IPO4: variants seen among roughly 807,000 people sequenced by gnomAD.
The protein encoded by IPO4 is importin-4.
Under a neutral mutation model 133.5 loss-of-function variants are expected in IPO4, and 91 were observed. The ratio of observed to expected loss-of-function variants is 0.68; its 90% CI spans 0.58 to 0.81. IPO4 has a LOEUF of 0.81. Ranked by LOEUF, IPO4 falls within the 30% of genes least tolerant of loss-of-function variation. The pLI is 0.00. For synonymous variants in IPO4, 607 were observed against 581.6 expected (o/e 1.04, Z -0.63); for missense variants, 1,279 against 1,386.2 (o/e 0.92, Z 1.23).
chr14:24,188,182 G>A (rs925567986), intron 4 of IPO4, 34 bp downstream of exon 4: 3 of 1,606,024 alleles, frequency 1.9e-6, no homozygotes, highest in Non-Finnish European at 2.6e-6. Flanking sequence ...AGACAAAGTC[G>A]TCAAGATCCC....
chr14:24,185,045 C>A, intron 14 of IPO4, 65 bp from the exon 15 acceptor site: 1 of 1,590,306 alleles, frequency 6.3e-7, no homozygotes, highest in Non-Finnish European at 8.6e-7. Context: ...CACCTCCCTC[C>A]AGGCGGAAAC....
At chr14:24,188,173 G>C (rs771724625) in intron 4 of IPO4, 43 bp downstream of exon 4, 3 of 1,598,472 alleles carry the variant, frequency 1.9e-6, no homozygotes, top group African/African-American at 1.3e-5. Flanking sequence ...CAGAAACCTA[G>C]ACAAAGTCGT....
chr14:24,183,229 C>T, intron 22 of IPO4, 21 bp downstream of exon 22: 1 of 1,612,252 alleles, frequency 6.2e-7, no homozygotes, highest in East Asian at 2.2e-5. Context: ...GAACCCCCAG[C>T]CTGGCCCAGC....
chr14:24,187,676 TGGGCTGTGG>T lies in IPO4; in HGVS notation c.390_398del (p.His131_Pro133del), dbSNP rs2039244884. On this transcript the variant is annotated inframe_deletion, in exon 5 of 30. Coordinates refer to ENST00000354464, the MANE Select transcript of IPO4 (RefSeq NM_024658.4). ...AACCATGTGATGGTACCTCTCTCTC[TGGGCTGTGG>T]GGGCTGTGGGTACTGTGCTGAAGCA... The T allele has an allele frequency of 6.2e-7, 1 of 1,614,174 alleles. No individual in the cohort carries two copies.
chr14:24,180,603 G>A lies in IPO4; in HGVS notation c.3116-31C>T, dbSNP rs760355714. 3.7e-6 allele frequency: 6 copies of A among 1,611,982 alleles called. No individual in the cohort carries two copies. The Admixed American group carries it at 6.7e-5, about 18-fold the overall frequency. ...TGGAGAGGGAGGGAGAAAGGTCGGG[G>A]CTCCTAAAGCCTCGCTGCCCCAGGC... On this transcript the variant is annotated intron_variant, in intron 29 of 29. Coordinates refer to ENST00000354464, the MANE Select transcript of IPO4 (RefSeq NM_024658.4).
At chr14:24,182,224 G>A in intron 25 of IPO4, 54 bp downstream of exon 25, 1 of 1,613,692 alleles carries the variant, frequency 6.2e-7, no homozygotes, top group South Asian at 1.1e-5. Flanking sequence ...AGGCTGTGGT[G>A]GGCACCGGGT....
At position 24,182,392 on chromosome 14, in the gene IPO4, G is replaced by A. The variant is rs754388128; in HGVS notation, c.2484C>T (p.Asp828=). ...EEEDDDQAEY[D]AMLLEHAGEA... is the part of the protein sequence containing the mutation. ...CTCCAGCGTGCTCCAGCAACATGGC[G>A]TCGTATTCAGCCTGTGGAGCCAGGT... Residue 828 remains aspartate, a synonymous_variant, in exon 25 of 30, where the codon GAC becomes GAT. Coordinates refer to ENST00000354464, the MANE Select transcript of IPO4 (RefSeq NM_024658.4). 26 of 1,611,012 alleles carry A rather than the reference G, an allele frequency of 1.6e-5. No individual in the cohort carries two copies. Among genetic ancestry groups the A allele is most frequent in the African/African-American group, 9.4e-5 (7 of 74,782 alleles).
chr14:24,186,186 A>C lies in IPO4; in HGVS notation c.1006-4T>G, dbSNP rs376889207. On this transcript the variant is annotated splice_polypyrimidine_tract_variant and splice_region_variant and intron_variant, in intron 10 of 29. Coordinates refer to ENST00000354464, the MANE Select transcript of IPO4 (RefSeq NM_024658.4). ...GTAGTGCCAGCATGTCCACAACCTG[A>C]GATGGGATGGGGAGACTTACTTTGC... 16 of 1,613,722 alleles carry C rather than the reference A, an allele frequency of 9.9e-6. No homozygotes were observed. The highest frequency in any genetic ancestry group is 6.7e-5 in the East Asian group (3 of 44,882).
Position 24,183,195 on chromosome 14 carries a change from C to T in IPO4, c.2228-26G>A, listed in dbSNP as rs778453206. On this transcript the variant is annotated intron_variant, in intron 22 of 29. Coordinates refer to ENST00000354464, the MANE Select transcript of IPO4 (RefSeq NM_024658.4). ...CTGGGGACATTATTGGCTGAAGCAC[C>T]AGTCAGGCCCTGCCCCTCCCCAAGA... The T allele has an allele frequency of 1.6e-5, 25 of 1,610,070 alleles. No individual in the cohort carries two copies. In the East Asian group the frequency reaches 4.0e-4, roughly 26 times the overall value.
chr14:24,188,157 G>T, intron 4 of IPO4, 59 bp downstream of exon 4: 1 of 1,563,332 alleles, frequency 6.4e-7, no homozygotes, highest in South Asian at 1.1e-5. Context: ...GAGCCGAAAA[G>T]GAAGGCAGAA....
chr14:24,183,085 A>ACG lies in IPO4; in HGVS notation c.2310_2311dup (p.Val771AlafsTer6). 1 of 1,613,730 alleles carries ACG rather than the reference A, an allele frequency of 6.2e-7. No homozygotes were observed. Among genetic ancestry groups the ACG allele is most frequent in the Non-Finnish European group, 8.5e-7 (1 of 1,179,998 alleles). On this transcript the variant is annotated frameshift_variant, in exon 23 of 30. Coordinates refer to ENST00000354464, the MANE Select transcript of IPO4 (RefSeq NM_024658.4). LOFTEE classifies it high-confidence loss of function. ...GAGCACCCCTGTCAGGGCCTCCAGCACGGCCATCACCACCTGGCGTTCCCG... is the reference window on the plus strand; with the variant it reads ...GAGCACCCCTGTCAGGGCCTCCAGCACGCGGCCATCACCACCTGGCGTTCCCG...
rs749026018 is a variant in IPO4 at position 24,183,612 on chromosome 14, C to G, written c.2041G>C (p.Gly681Arg). ...CACCTGGTGTTCACAGAGATCTCCC[C>G]CACGGCAGCACAGGTGTCTTCCTTC... is the stretch of plus-strand genomic sequence containing the variant. ...DEKEDTCAAV[G>R]EISVNTSVAF... Residue 681 changes from glycine (G) to arginine (R), a missense_variant, in exon 20 of 30, where the codon GGG (glycine) becomes CGG (arginine). Physicochemically the swap from Gly to Arg is moderately radical, Grantham distance 125. Coordinates refer to ENST00000354464, the MANE Select transcript of IPO4 (RefSeq NM_024658.4). 5 of 1,614,046 alleles carry G rather than the reference C, an allele frequency of 3.1e-6. No homozygotes were observed. Among genetic ancestry groups the G allele is most frequent in the Non-Finnish European group, 4.2e-6 (5 of 1,180,042 alleles).
Position 24,188,590 on chromosome 14 carries a change from C to A in IPO4, c.118G>T (p.Ala40Ser), listed in dbSNP as rs752296487. 6.2e-7 allele frequency: 1 copy of A among 1,613,196 alleles called. No homozygotes were observed. The highest frequency in any genetic ancestry group is 1.1e-5 in the South Asian group (1 of 91,034). The change falls in exon 2 of 30, where the codon GCT (alanine) becomes TCT (serine). Residue 40 changes from alanine to serine, a missense_variant. Ala to Ser is a moderately conservative substitution (Grantham distance 99). This residue lies in a region of IPO4 where 695 missense variants were observed against 704.1 expected (regional missense o/e 0.99). Coordinates refer to ENST00000354464, the MANE Select transcript of IPO4 (RefSeq NM_024658.4). ...GCCGAGGCTAGCAGGTCGCAGAGAG[C>A]CGGCAAAGCGGCGGGGGCCCGAAGA... is the stretch of plus-strand genomic sequence containing the variant. The part of the protein sequence containing the change: ...IVLRAPAALP[A>S]LCDLLASAAD...
At position 24,186,442 on chromosome 14, in the gene IPO4, T is replaced by C. The variant is rs756636496; in HGVS notation, c.850A>G (p.Lys284Glu). The C allele has an allele frequency of 1.9e-6, 3 of 1,588,592 alleles. No individual in the cohort carries two copies. The highest frequency in any genetic ancestry group is 2.6e-6 in the Non-Finnish European group (3 of 1,165,460). ...AGCAAGGGTGGCAGGAGACGATTCT[T>C]CAGTAAGGCCTTGACAGAGAAGGTG... is the stretch of plus-strand genomic sequence containing the variant. ...LVKVKSKALL[K>E]NRLLPPLLHT... is the part of the protein sequence containing the mutation. The change falls in exon 10 of 30, where the codon AAG becomes GAG. Residue 284 changes from lysine (K) to glutamate (E), a missense_variant. By Grantham distance (56) the Lys-to-Glu change is moderately conservative. This residue lies in a region of IPO4 where 695 missense variants were observed against 704.1 expected (regional missense o/e 0.99). Coordinates refer to ENST00000354464, the MANE Select transcript of IPO4 (RefSeq NM_024658.4).
Position 24,180,440 on chromosome 14 carries a change from G to T in IPO4, c.*2C>A. The stretch of plus-strand genomic sequence containing the variant: ...CTCTCTGGACTGGCTGCAGCCTGCA[G>T]TCTAGGAGAGGCCCAGTACAGCCTG... On this transcript the variant is annotated 3_prime_UTR_variant, in exon 30 of 30. Coordinates refer to ENST00000354464, the MANE Select transcript of IPO4 (RefSeq NM_024658.4). 3 of 1,608,642 alleles carry T rather than the reference G, an allele frequency of 1.9e-6. No homozygotes were observed. Among genetic ancestry groups the T allele is most frequent in the Non-Finnish European group, 2.6e-6 (3 of 1,176,236 alleles).
intron 4 of IPO4, 163 bp downstream of exon 4, chr14:24,188,053 C>T: frequency 1.2e-6 from 1 of 822,282 alleles, no homozygotes; most frequent in South Asian, 1.7e-5. Context: ...CATCATCACC[C>T]TTCCTCAAGA....
At position 24,181,806 on chromosome 14, in the gene IPO4, G is replaced by A; in HGVS notation, c.2845C>T (p.Leu949=). The A allele has an allele frequency of 1.3e-6, 2 of 1,598,150 alleles. No homozygotes were observed. The highest frequency in any genetic ancestry group is 1.7e-6 in the Non-Finnish European group (2 of 1,170,400). ...PKLLGLLFPL[L]ARERHDRVRD... ...ACACGATCATGTCGCTCCCGCGCCA[G>A]GAGGGGAAAAAGGAGCCCCAGCAGC... Residue 949 remains leucine (L), a synonymous_variant, in exon 27 of 30, where the codon CTG becomes TTG. Coordinates refer to ENST00000354464, the MANE Select transcript of IPO4 (RefSeq NM_024658.4).
At chr14:24,187,832 A>C (rs2039247669) in intron 4 of IPO4, 36 bp from the exon 5 acceptor site, 1 of 1,612,360 alleles carries the variant, frequency 6.2e-7, no homozygotes, top group Non-Finnish European at 8.5e-7. Context: ...ATCACCCTTC[A>C]ATACCTTCCT....
intron 28 of IPO4, 72 bp from the exon 29 acceptor site, chr14:24,180,830 G>A: frequency 7.4e-7 from 1 of 1,345,202 alleles, no homozygotes; most frequent in Non-Finnish European, 1.0e-6. Context: ...TCAGGACCAA[G>A]GAGTGGCAGA....
Sources: allele counts gnomAD v4.1 joint callset, GRCh38; gene constraint gnomAD v4.1.1; regional missense constraint gnomAD v4.1.1; transcripts MANE v1.5; gene names NCBI Gene and HGNC (gene_info 2026-07-23, HGNC 2026-07-21).